Variants in ZSWIM4 observed in about 807,000 individuals in gnomAD.
ZSWIM4 encodes the protein zinc finger SWIM-type containing 4, also known as zinc finger SWIM domain-containing protein 4.
Under a neutral mutation model 102.5 loss-of-function variants are expected in ZSWIM4, and 62 were observed. The observed-to-expected ratio is 0.60, with a 90% CI of 0.49 to 0.75. The LOEUF (loss-of-function observed/expected upper bound fraction) is 0.75, where lower values mean the gene tolerates loss of function less well. Among genes scored for constraint, ZSWIM4 ranks in the 30% least tolerant of loss-of-function variants. The pLI is 0.00. For missense variants in ZSWIM4, 1,280 were observed against 1,529.6 expected, an observed-to-expected ratio of 0.84 and a Z score of 2.72; for synonymous variants, 652 against 674.5, an observed-to-expected ratio of 0.97 and a Z score of 0.52.
chr19:13,800,220 G>A (rs1342064830), intron 2 of ZSWIM4, among the ~76,000 whole-genome samples: 24 of 107,306 alleles, frequency 2.2e-4, no homozygotes, highest in East Asian at 1.1e-3. Context: ...GCCCGCCACC[G>A]CGCCCAGCTA....
intron 10 of ZSWIM4, among the ~76,000 whole-genome samples, chr19:13,820,515 C>T (rs1429138622): frequency 6.6e-6 from 1 of 152,184 alleles, no homozygotes; most frequent in Non-Finnish European, 1.5e-5. Context: ...GGATTACAGG[C>T]GTGAGCCACT....
chr19:13,819,065 C>T (rs909852886), intron 9 of ZSWIM4, among the ~76,000 whole-genome samples: 1 of 151,528 alleles, frequency 6.6e-6, no homozygotes, highest in Non-Finnish European at 1.5e-5. Flanking sequence ...GGGGTTTCAC[C>T]GTGTTAGCCA....
rs1183127842 is a variant in ZSWIM4 at position 13,823,501 on chromosome 19, G to C, written c.2215+1G>C. On this transcript the variant is annotated splice_donor_variant, in intron 11 of 13. Transcript: ENST00000590508. LOFTEE classifies it high-confidence loss of function. ...TCCACCATGTTGACGGCCGCCAAGG[G>C]TGAGGCTGGCAGCTGTCCCGATTCC... 6.4e-7 allele frequency: 1 copy of C among 1,564,616 alleles called. No homozygotes were observed. The highest frequency in any genetic ancestry group is 1.9e-5 in the Admixed American group (1 of 52,428).
intron 11 of ZSWIM4, 63 bp downstream of exon 11, chr19:13,823,563 C>T: frequency 6.6e-7 from 1 of 1,521,728 alleles, no homozygotes; most frequent in South Asian, 1.2e-5. Flanking sequence ...TCTTCCTTCC[C>T]TCTTAACTTT....
intron 2 of ZSWIM4, among the ~76,000 whole-genome samples, chr19:13,801,417 G>A (rs2594718): frequency 0.45 from 68,099 of 152,018 alleles, 18,589 homozygotes; most frequent in African/African-American, 0.78. Flanking sequence ...GTGAGAGGAG[G>A]CTCCAGACCT....
rs375327694 is a variant in ZSWIM4 at position 13,828,649 on chromosome 19, T to C, written c.2384T>C (p.Met795Thr). 120 of 1,613,940 alleles carry C rather than the reference T, an allele frequency of 7.4e-5. No individual in the cohort carries two copies. The highest frequency in any genetic ancestry group is 9.9e-5 in the Non-Finnish European group (117 of 1,179,972). Reference sequence around the variant, plus strand: ...CTCCCCACCCCTACCTTGCAGGTGATGCGGATGACTCTGAACGTAATGACC... The same window carrying C: ...CTCCCCACCCCTACCTTGCAGGTGACGCGGATGACTCTGAACGTAATGACC... ...GIALELGLQV[M>T]RMTLNVMTWR... The change falls in exon 13 of 14, where the codon ATG becomes ACG. Residue 795 changes from methionine (M) to threonine (T), a missense_variant. Met to Thr is a moderately conservative substitution (Grantham distance 81, BLOSUM62 -1). Transcript: ENST00000590508.
At chr19:13,811,300 A>G (rs1975082592) in intron 5 of ZSWIM4, among the ~76,000 whole-genome samples, 1 of 152,158 alleles carries the variant, frequency 6.6e-6, no homozygotes, top group Non-Finnish European at 1.5e-5. Context: ...CACTCTGTCT[A>G]TTATAGTAAA....
chr19:13,804,562 G>A (rs1294740625), intron 2 of ZSWIM4, among the ~76,000 whole-genome samples: 3 of 151,712 alleles, frequency 2.0e-5, no homozygotes, highest in East Asian at 1.9e-4. Flanking sequence ...CAGGAGAATC[G>A]CTTGAACCTG....
chr19:13,814,586 G>A lies in ZSWIM4; in HGVS notation c.1252G>A (p.Gly418Arg), dbSNP rs1177626663. 1.7e-6 allele frequency: 2 copies of A among 1,193,482 alleles called. No homozygotes were observed. Among genetic ancestry groups the A allele is most frequent in the Non-Finnish European group, 2.1e-6 (2 of 933,526 alleles). The allele number at this position is 1,193,482 out of a possible 1,614,324, so 73.9% of individuals were successfully genotyped here. ...GGTATTTGGCCGCGCCTTGCTGGCT[G>A]GAGAGCTACACTGGAATGACGCCTA... is the stretch of plus-strand genomic sequence containing the variant. ...HTVFGRALLA[G>R]ELHWNDAYLQ... The change falls in exon 7 of 14, where the codon GGA (glycine) becomes AGA (arginine). Residue 418 changes from glycine (G) to arginine (R), a missense_variant. Transcript: ENST00000590508.
chr19:13,830,685 A>G lies in ZSWIM4; in HGVS notation c.2956A>G (p.Ile986Val). ...CGAGCTCTCTGCCATCGTCCCCCTC[A>G]TCATTCGCAGCATCCACTGTGCCCC... ...RHELSAIVPL[I>V]IRSIHCAPML... The change falls in exon 14 of 14, where the codon ATC (isoleucine) becomes GTC (valine). Residue 986 changes from isoleucine (I) to valine (V), a missense_variant. Ile to Val is a conservative substitution (Grantham distance 29). Transcript: ENST00000590508. The G allele has an allele frequency of 6.2e-7, 1 of 1,605,824 alleles. No individual in the cohort carries two copies. The highest frequency in any genetic ancestry group is 8.5e-7 in the Non-Finnish European group (1 of 1,179,172).
intron 10 of ZSWIM4, among the ~76,000 whole-genome samples, chr19:13,819,867 G>A (rs1207906227): frequency 6.9e-6 from 1 of 145,450 alleles, no homozygotes; most frequent in Non-Finnish European, 1.5e-5. Context: ...TTTTTGAGAC[G>A]GAGTCTTGCT....
chr19:13,812,460 T>TC (rs199853578), intron 5 of ZSWIM4, among the ~76,000 whole-genome samples: 4 of 139,308 alleles, frequency 2.9e-5, no homozygotes, highest in African/African-American at 1.2e-4. Flanking sequence ...AATCCCAACT[T>TC]TTTTTTTTTT....
rs1391080973 is a variant in ZSWIM4 at position 13,825,952 on chromosome 19, G to C, written c.2379+239G>C. The stretch of plus-strand genomic sequence containing the variant: ...TGTGGGCCACTTCCTTGGGGGCGTG[G>C]CATGAGTGAGCCACTCCCCTGGGAA... On this transcript the variant is annotated intron_variant, in intron 12 of 13. Transcript: ENST00000590508. This position sits in a 1 kb window ranked among gnomAD's most constrained non-coding sequence, Gnocchi z 4.6. Among the ~76,000 whole-genome samples, 1 of 152,112 alleles carries C rather than the reference G, an allele frequency of 6.6e-6. No individual in the cohort carries two copies. The highest frequency in any genetic ancestry group is 1.5e-5 in the Non-Finnish European group (1 of 68,006).
intron 3 of ZSWIM4, among the ~76,000 whole-genome samples, chr19:13,808,379 G>A (rs1283114440): frequency 2.0e-5 from 3 of 151,632 alleles, no homozygotes; most frequent in Non-Finnish European, 4.4e-5. Flanking sequence ...TGGACAAGCA[G>A]ATGGGTGGGT....
Position 13,831,306 on chromosome 19 carries a change from A to C in ZSWIM4, c.*256A>C. 1 of 457,374 alleles carries C rather than the reference A, an allele frequency of 2.2e-6. No individual in the cohort carries two copies. Among genetic ancestry groups the C allele is most frequent in the Admixed American group, 4.1e-5 (1 of 24,648 alleles). 28.3% of individuals were successfully genotyped at this position (457,374 alleles called of 1,614,324 possible). ...GGTGTGTGCTTGGGCTGCTGGTATGACCCCACTTTGGGCACCCCAAAAGCA... is the reference window on the plus strand; with the variant it reads ...GGTGTGTGCTTGGGCTGCTGGTATGCCCCCACTTTGGGCACCCCAAAAGCA... On this transcript the variant is annotated 3_prime_UTR_variant, in exon 14 of 14. Transcript: ENST00000590508.
In ZSWIM4 at chr19:13,803,826, C is replaced by T. The variant is rs1213623095; in HGVS notation, c.356-966C>T. ...TCTCAGAAAAAAAAAAAAAAAAAAG[C>T]AAGTGTTTACTTAGGACTTAACTTC... On this transcript the variant is annotated intron_variant, in intron 2 of 13. Transcript: ENST00000590508. Among the ~76,000 whole-genome samples, 3 of 108,354 alleles carry T rather than the reference C, an allele frequency of 2.8e-5. 1 individual carries two copies. Among genetic ancestry groups the T allele is most frequent in the African/African-American group, 9.0e-5 (2 of 22,132 alleles). The allele number at this position is 108,354 out of a possible 152,430, so 71.1% of individuals were successfully genotyped here.
At chr19:13,804,365 G>A (rs1234615191) in intron 2 of ZSWIM4, among the ~76,000 whole-genome samples, 1 of 152,010 alleles carries the variant, frequency 6.6e-6, no homozygotes, top group African/African-American at 2.4e-5. Context: ...AGCTACTCGG[G>A]AAGCTGAGGC....
chr19:13,818,819 C>G (rs1418950825), intron 9 of ZSWIM4, among the ~76,000 whole-genome samples: 1 of 150,796 alleles, frequency 6.6e-6, no homozygotes, highest in Non-Finnish European at 1.5e-5. Context: ...CCGCCTCGGC[C>G]TCCCAAAGTG....
rs969959308 is a variant in ZSWIM4, at chr19:13,832,064, A to G, written c.*1014A>G. ...TTCCCTTCTTGTATATTAAGGACAA[A>G]ATACCACATCATTTTGTAACTTTTT... On this transcript the variant is annotated 3_prime_UTR_variant, in exon 14 of 14. Transcript: ENST00000590508. The G allele has an allele frequency of 9.4e-5, 14 of 148,888 alleles. No homozygotes were observed. The highest frequency in any genetic ancestry group is 3.5e-4 in the African/African-American group (14 of 40,294). The allele number at this position is 148,888 out of a possible 1,614,324, so 9.2% of individuals were successfully genotyped here.
Sources: gnomAD v4.1 joint callset for allele counts (sites outside exome capture counted in the v4.1 genomes callset) on GRCh38, gnomAD v4.1.1 for gene constraint, Gnocchi (gnomAD v3.1) non-coding constraint, MANE v1.5 for transcripts, NCBI Gene and HGNC (gene_info 2026-07-23, HGNC 2026-07-21) for gene names.